Variants in WWOX observed in about 807,000 individuals in gnomAD.
WWOX encodes the protein WW domain-containing oxidoreductase.
In WWOX, 69 loss-of-function variants were observed where a neutral mutation model predicts 46.2. That is an observed-to-expected ratio of 1.49 (90% CI 1.23 to 1.82). WWOX has a LOEUF of 1.82. Among genes scored for constraint, WWOX ranks in the 40% most tolerant of loss-of-function variants. The probability of loss-of-function intolerance (pLI) is 0.00; values close to 1 mark genes in which losing one functional copy is unlikely to be tolerated. For missense variants in WWOX, 919 were observed against 542.6 expected (o/e 1.69, Z -6.89); for synonymous variants, 359 against 202.6 (o/e 1.77, Z -6.56).
In WWOX at chr16:79,212,373, G is replaced by A. The variant is rs116830872; in HGVS notation, c.*577G>A. The stretch of plus-strand genomic sequence containing the variant: ...GTGACACCCAGAGGGAGTAGAATAC[G>A]CAGAACTACCAGGTGGCAAAGTACT... On this transcript the variant is annotated 3_prime_UTR_variant, in exon 9 of 9. Transcript: ENST00000566780. 6,786 of 527,244 alleles carry A rather than the reference G, an allele frequency of 0.013. 66 individuals are homozygous for A. The highest frequency in any genetic ancestry group is 0.04 in the Middle Eastern group (79 of 1,982). 32.7% of individuals were successfully genotyped at this position (527,244 alleles called of 1,614,324 possible).
chr16:78,151,844 A>C (rs1449317145), intron 4 of WWOX, among the ~76,000 whole-genome samples: 1 of 152,114 alleles, frequency 6.6e-6, no homozygotes, highest in African/African-American at 2.4e-5. Context: ...CTGTTTAACC[A>C]CTTTTGTGTC....
chr16:78,682,229 T>C lies in WWOX; in HGVS notation c.1056+249477T>C, dbSNP rs145436283. On this transcript the variant is annotated intron_variant, in intron 8 of 8. Coordinates refer to ENST00000566780, the MANE Select transcript of WWOX (RefSeq NM_016373.4). The stretch of plus-strand genomic sequence containing the variant: ...TATTTGAAAATTGGGCCTAACCCAC[T>C]ATGCCACTCTTCTGTCATGAAATAA... 2.6e-5 allele frequency among the ~76,000 whole-genome samples: 4 copies of C among 152,352 alleles called. No individual in the cohort carries two copies. In the East Asian group the frequency reaches 7.7e-4, roughly 29 times the overall value.
At chr16:79,028,419 C>G in intron 8 of WWOX, among the ~76,000 whole-genome samples, 1 of 151,750 alleles carries the variant, frequency 6.6e-6, no homozygotes, top group African/African-American at 2.4e-5. Context: ...AGGCAGTGTA[C>G]AGCGCTTATC....
chr16:78,435,084 G>A (rs2083303987), intron 8 of WWOX, among the ~76,000 whole-genome samples: 1 of 152,184 alleles, frequency 6.6e-6, no homozygotes, highest in Non-Finnish European at 1.5e-5. Context: ...TTGGATCGGT[G>A]ACTGTATCAT....
At chr16:78,849,341 C>T (rs914145875) in intron 8 of WWOX, among the ~76,000 whole-genome samples, 3 of 150,226 alleles carry the variant, frequency 2.0e-5, no homozygotes, top group South Asian at 2.1e-4. Context: ...GAGGCCGAGG[C>T]GGGGGGGATC....
At position 79,159,169 on chromosome 16, in the gene WWOX, A is replaced by G. The variant is rs1346833082; in HGVS notation, c.1057-52439A>G. On this transcript the variant is annotated intron_variant, in intron 8 of 8. Coordinates refer to ENST00000566780, the MANE Select transcript of WWOX (RefSeq NM_016373.4). Reference sequence around the variant, plus strand: ...AATAAAATTTTATTTCGCTTTAACAAGAGAATATAAAAGTTAAAAAGGTCA... The same window carrying G: ...AATAAAATTTTATTTCGCTTTAACAGGAGAATATAAAAGTTAAAAAGGTCA... Among the ~76,000 whole-genome samples, 5 of 152,342 alleles carry G rather than the reference A, an allele frequency of 3.3e-5. No individual in the cohort carries two copies. The South Asian group carries it at 1.0e-3, about 32-fold the overall frequency.
chr16:78,345,693 C>T lies in WWOX; in HGVS notation c.517-41167C>T, dbSNP rs182244580. On this transcript the variant is annotated intron_variant, in intron 5 of 8. Coordinates refer to ENST00000566780, the MANE Select transcript of WWOX (RefSeq NM_016373.4). ...AATAAAGCATGGGAAGTCCCTTATA[C>T]AGTTTGTGATATGGGTACACACTCA... Among the ~76,000 whole-genome samples, 3 of 101,182 alleles carry T rather than the reference C, an allele frequency of 3.0e-5. No individual in the cohort carries two copies. In the East Asian group the frequency reaches 6.3e-4, roughly 21 times the overall value. The allele number at this position is 101,182 out of a possible 152,430, so 66.4% of individuals were successfully genotyped here.
At chr16:78,754,968 A>C (rs1108735) in intron 8 of WWOX, among the ~76,000 whole-genome samples, 74,941 of 150,684 alleles carry the variant, frequency 0.5, 21,963 homozygotes, top group East Asian at 0.65. Context: ...CATTTATACT[A>C]TTAAAAGAAT....
intron 6 of WWOX, among the ~76,000 whole-genome samples, chr16:78,413,773 G>A (rs1334341631): frequency 6.6e-6 from 1 of 152,024 alleles, no homozygotes; most frequent in Non-Finnish European, 1.5e-5. Flanking sequence ...TCAGTTCCTG[G>A]GTGGGGGCCA....
At chr16:79,130,554 C>A (rs535674058) in intron 8 of WWOX, among the ~76,000 whole-genome samples, 1 of 152,272 alleles carries the variant, frequency 6.6e-6, no homozygotes, top group South Asian at 2.1e-4. Flanking sequence ...TGTACATTCA[C>A]ATCCTGGTAA....
chr16:78,545,720 C>A (rs948680232), intron 8 of WWOX, among the ~76,000 whole-genome samples: 6 of 152,174 alleles, frequency 3.9e-5, no homozygotes. Context: ...TAGAAACTTA[C>A]TGTCTCACAG....
At chr16:78,321,790 G>A (rs1042575750) in intron 5 of WWOX, among the ~76,000 whole-genome samples, 8 of 152,104 alleles carry the variant, frequency 5.3e-5, no homozygotes, top group South Asian at 2.1e-4. Context: ...AGTGGCTGTC[G>A]TCTGTTAGTG....
intron 5 of WWOX, among the ~76,000 whole-genome samples, chr16:78,382,528 A>G (rs1056306661): frequency 1.2e-4 from 19 of 152,160 alleles, no homozygotes; most frequent in African/African-American, 4.6e-4. Context: ...GCACATCCTG[A>G]TTGATGCAGA....
chr16:79,043,971 T>C (rs1274388495), intron 8 of WWOX, among the ~76,000 whole-genome samples: 2 of 152,212 alleles, frequency 1.3e-5, no homozygotes, highest in Non-Finnish European at 2.9e-5. Flanking sequence ...TTGGTCCTTG[T>C]GGCCAGGGAC....
intron 8 of WWOX, among the ~76,000 whole-genome samples, chr16:78,837,859 A>G (rs1379081036): frequency 6.6e-6 from 1 of 152,188 alleles, no homozygotes; most frequent in Admixed American, 6.5e-5. Flanking sequence ...AGAAATATCA[A>G]TAAATATAAA....
At chr16:79,202,154 C>G (rs1027922960) in intron 8 of WWOX, among the ~76,000 whole-genome samples, 1 of 152,160 alleles carries the variant, frequency 6.6e-6, no homozygotes, top group East Asian at 1.9e-4. Context: ...GTTGAGTGAT[C>G]GTGCCAGACA....
intron 8 of WWOX, among the ~76,000 whole-genome samples, chr16:78,435,167 G>A (rs1382154605): frequency 6.6e-6 from 1 of 152,038 alleles, no homozygotes; most frequent in Non-Finnish European, 1.5e-5. Flanking sequence ...CAGAGTATGG[G>A]GTTAGAAATG....
At chr16:78,680,134 G>C (rs1028236946) in intron 8 of WWOX, among the ~76,000 whole-genome samples, 1 of 152,248 alleles carries the variant, frequency 6.6e-6, no homozygotes, top group Non-Finnish European at 1.5e-5. Flanking sequence ...TCTAGGCTGG[G>C]CGTGGCGGCT....
chr16:78,955,887 C>T (rs926912689), intron 8 of WWOX, among the ~76,000 whole-genome samples: 2 of 151,740 alleles, frequency 1.3e-5, no homozygotes, highest in Non-Finnish European at 2.9e-5. Flanking sequence ...CAAGCGATCT[C>T]CCATCCCCCC....
Sources: allele counts gnomAD v4.1 joint callset (sites outside exome capture counted in the v4.1 genomes callset), GRCh38; gene constraint gnomAD v4.1.1; transcripts MANE v1.5; gene names NCBI Gene and HGNC (gene_info 2026-07-23, HGNC 2026-07-21).